The following NDUFAF6 variants were observed in gnomAD, a reference collection of about 807,000 sequenced individuals.
NDUFAF6 encodes the protein NADH:ubiquinone oxidoreductase complex assembly factor 6, also known as NADH dehydrogenase (ubiquinone) complex I, assembly factor 6.
In NDUFAF6, 45 loss-of-function variants were observed where a neutral mutation model predicts 40.8. The observed-to-expected ratio is 1.10, with a 90% CI of 0.87 to 1.42. The LOEUF is 1.42. NDUFAF6 is among the 40% of genes most tolerant of loss of function. NDUFAF6 has a pLI of 0.00. For missense variants in NDUFAF6, 435 were observed against 418.5 expected, an observed-to-expected ratio of 1.04 and a Z score of -0.34; for synonymous variants, 185 against 155.9, an observed-to-expected ratio of 1.19 and a Z score of -1.39.
At chr8:95,052,458 G>T (rs752182531) in intron 8 of NDUFAF6, among the ~76,000 whole-genome samples, 2 of 152,134 alleles carry the variant, frequency 1.3e-5, no homozygotes, top group Non-Finnish European at 2.9e-5. Flanking sequence ...CAGCCAGATT[G>T]CATTGGCTTG....
intron 2 of NDUFAF6, among the ~76,000 whole-genome samples, chr8:94,985,474 TA>T (rs1466718883): frequency 0.063 from 84 of 1,332 alleles, 1 homozygote; most frequent in East Asian, 0.39. Flanking sequence ...TAATTATATA[TA>T]TATATATATA....
upstream of NDUFAF6, among the ~76,000 whole-genome samples, chr8:94,953,691 A>G (rs1186912096): frequency 6.6e-6 from 1 of 152,262 alleles, no homozygotes; most frequent in Non-Finnish European, 1.5e-5. Flanking sequence ...GGGTGACAGC[A>G]TGAGTGCAAG....
downstream of NDUFAF6, among the ~76,000 whole-genome samples, chr8:95,061,509 AGAGTT>A (rs1435010596): frequency 6.6e-6 from 1 of 152,200 alleles, no homozygotes; most frequent in African/African-American, 2.4e-5. Context: ...GGAGGGGAGA[AGAGTT>A]GAGGGAATGC....
At chr8:94,924,312 G>A (rs563722544) in intron 1 of NDUFAF6, among the ~76,000 whole-genome samples, 58 of 152,148 alleles carry the variant, frequency 3.8e-4, no homozygotes, top group African/African-American at 1.4e-3. Context: ...TGCCTGCCTC[G>A]GCCTCCCAAA....
downstream of NDUFAF6, among the ~76,000 whole-genome samples, chr8:95,107,954 C>A (rs1040262613): frequency 6.6e-6 from 1 of 152,162 alleles, no homozygotes; most frequent in Admixed American, 6.6e-5. Flanking sequence ...TTTGGTTAGG[C>A]TGTGTTGGCA....
At chr8:95,032,739 A>C (rs16917233) in intron 2 of NDUFAF6, among the ~76,000 whole-genome samples, 21,296 of 152,180 alleles carry the variant, frequency 0.14, 1,491 homozygotes, top group Middle Eastern at 0.24. Context: ...GAGGATTCAG[A>C]GTCTTGAAGA....
intron 2 of NDUFAF6, among the ~76,000 whole-genome samples, chr8:94,995,293 G>A (rs1826375419): frequency 6.6e-6 from 1 of 152,168 alleles, no homozygotes; most frequent in Non-Finnish European, 1.5e-5. Flanking sequence ...AAGTAGAGAG[G>A]TAGTTGCTAA....
chr8:95,006,404 T>A (rs1287570050), intron 2 of NDUFAF6, among the ~76,000 whole-genome samples: 1 of 150,624 alleles, frequency 6.6e-6, no homozygotes, highest in African/African-American at 2.4e-5. Context: ...AAAAAAGACA[T>A]CTCTGTAAGA....
chr8:95,055,863 G>C (rs1327351531), intron 8 of NDUFAF6, among the ~76,000 whole-genome samples: 1 of 152,004 alleles, frequency 6.6e-6, no homozygotes, highest in Non-Finnish European at 1.5e-5. Flanking sequence ...CTTACCACTC[G>C]AGCCAGGAAC....
intron 2 of NDUFAF6, among the ~76,000 whole-genome samples, chr8:94,981,425 CG>C (rs1825434376): frequency 1.3e-5 from 2 of 152,114 alleles, no homozygotes. Flanking sequence ...CAACAGAAAA[CG>C]GATTAAGACA....
chr8:94,997,864 C>T (rs1826526099), intron 2 of NDUFAF6, among the ~76,000 whole-genome samples: 1 of 152,166 alleles, frequency 6.6e-6, no homozygotes, highest in African/African-American at 2.4e-5. Context: ...TTAGATTGTC[C>T]TTTGTTACAA....
chr8:94,983,518 G>A (rs999273617), intron 2 of NDUFAF6, among the ~76,000 whole-genome samples: 2 of 151,802 alleles, frequency 1.3e-5, no homozygotes, highest in African/African-American at 2.4e-5. Context: ...CACCCGCCTC[G>A]GCCTCCCAAA....
At chr8:95,036,753 G>A (rs1439755561) in intron 3 of NDUFAF6, among the ~76,000 whole-genome samples, 2 of 152,190 alleles carry the variant, frequency 1.3e-5, no homozygotes, top group Non-Finnish European at 2.9e-5. Context: ...AAAACCAGAA[G>A]ACAAATCTGA....
chr8:95,108,346 A>G (rs1021068416), downstream of NDUFAF6, among the ~76,000 whole-genome samples: 16 of 152,176 alleles, frequency 1.1e-4, no homozygotes, highest in Non-Finnish European at 1.6e-4. Context: ...AGTGTGGTAC[A>G]TACATACTAT....
At chr8:94,977,560 G>A (rs948917072) in intron 1 of NDUFAF6, among the ~76,000 whole-genome samples, 2 of 148,544 alleles carry the variant, frequency 1.3e-5, no homozygotes, top group Non-Finnish European at 1.5e-5. Context: ...TGGCTAGAAC[G>A]AAGCAGGCAT....
chr8:95,044,179 T>A (rs576325125), intron 4 of NDUFAF6, among the ~76,000 whole-genome samples: 4 of 152,100 alleles, frequency 2.6e-5, no homozygotes, highest in African/African-American at 9.6e-5. Flanking sequence ...AATAGACAAA[T>A]CCATGAAGAT....
chr8:94,973,789 G>T (rs1375887255), intron 1 of NDUFAF6, among the ~76,000 whole-genome samples: 4 of 151,266 alleles, frequency 2.6e-5, no homozygotes, highest in African/African-American at 7.3e-5. Context: ...GGAGGCCGAG[G>T]TGGAAGGATT....
chr8:95,032,140 T>C (rs1019384025), intron 2 of NDUFAF6, 46 bp downstream of exon 2: 3 of 1,467,232 alleles, frequency 2.0e-6, no homozygotes, highest in Non-Finnish European at 2.9e-6. Flanking sequence ...AATGGTGATA[T>C]AAGGTGTTTA....
intron 2 of NDUFAF6, among the ~76,000 whole-genome samples, chr8:95,035,197 T>C (rs1829346637): frequency 6.6e-6 from 1 of 152,092 alleles, no homozygotes; most frequent in South Asian, 2.1e-4. Flanking sequence ...CCATTCTTAG[T>C]AGTGAGTGAG....
Sources: gnomAD v4.1 joint callset for allele counts (sites outside exome capture counted in the v4.1 genomes callset) on GRCh38, gnomAD v4.1.1 for gene constraint, MANE v1.5 for transcripts, NCBI Gene and HGNC (gene_info 2026-07-23, HGNC 2026-07-21) for gene names.